Variants in KIAA1217 observed in about 807,000 individuals in gnomAD.
KIAA1217 encodes KIAA1217.
A neutral mutation model predicts 163.9 loss-of-function variants in KIAA1217; 88 were observed. The ratio of observed to expected loss-of-function variants is 0.54; its 90% confidence interval spans 0.45 to 0.64. The LOEUF is 0.64. Ranked by LOEUF, KIAA1217 falls within the 30% of genes least tolerant of loss-of-function variation. KIAA1217 has a pLI of 0.00. For synonymous variants in KIAA1217, 903 were observed against 923.1 expected, an observed-to-expected ratio of 0.98 and a Z score of 0.39; for missense variants, 2,372 against 2,475.0, an observed-to-expected ratio of 0.96 and a Z score of 0.88.
intron 2 of KIAA1217, among the ~76,000 whole-genome samples, chr10:24,195,857 A>C (rs897617566): frequency 1.3e-5 from 2 of 152,214 alleles, no homozygotes; most frequent in African/African-American, 4.8e-5. Flanking sequence ...GGCTGGGCGC[A>C]GTGGCTCACG....
intron 1 of KIAA1217, among the ~76,000 whole-genome samples, chr10:23,926,693 C>A (rs1843034852): frequency 6.6e-6 from 1 of 150,986 alleles, no homozygotes; most frequent in South Asian, 2.1e-4. Context: ...CCATTGCACT[C>A]CAGCCTGGGT....
At position 24,400,958 on chromosome 10, in the gene KIAA1217, A is replaced by AACACACACACAC. The variant is rs1409004077; in HGVS notation, c.553+19894_553+19895insCACACACACACA. Among the ~76,000 whole-genome samples, 7 of 89,842 alleles carry AACACACACACAC rather than the reference A, an allele frequency of 7.8e-5. No homozygotes were observed. In the African/African-American group the frequency reaches 7.9e-4, roughly 10 times the overall value. The allele number at this position is 89,842 out of a possible 152,430, so 58.9% of individuals were successfully genotyped here. A position where few individuals can be genotyped will look rare whatever the true frequency, so the allele number is the denominator to read the frequency against. On this transcript the variant is annotated intron_variant, in intron 3 of 20. Coordinates refer to ENST00000376454, the MANE Select transcript of KIAA1217 (RefSeq NM_019590.5). ...AAATAACACAAAATTCCAAGCAAGAAACATACACACACACACACACACACA... is the reference window on the plus strand; with the variant it reads ...AAATAACACAAAATTCCAAGCAAGAAACACACACACACACATACACACACACACACACACACA...
At chr10:23,713,064 A>G (rs1321946809) in intron 1 of KIAA1217, among the ~76,000 whole-genome samples, 2 of 152,118 alleles carry the variant, frequency 1.3e-5, no homozygotes, top group Admixed American at 1.3e-4. Flanking sequence ...CCATGAACTA[A>G]GAGTATGGAA....
At chr10:23,835,614 G>T (rs573587883) in intron 1 of KIAA1217, among the ~76,000 whole-genome samples, 1 of 152,150 alleles carries the variant, frequency 6.6e-6, no homozygotes, top group Non-Finnish European at 1.5e-5. Flanking sequence ...AGAGCAGTGA[G>T]AGTATGAAAA....
chr10:24,356,334 C>T (rs1334322297), intron 2 of KIAA1217, among the ~76,000 whole-genome samples: 1 of 152,216 alleles, frequency 6.6e-6, no homozygotes, highest in South Asian at 2.1e-4. Context: ...CAAAGTAAAA[C>T]AGCATCGAAT....
chr10:24,106,611 T>G lies in KIAA1217; in HGVS notation c.-171+99237T>G, dbSNP rs74479221. ...TGTGTTTATGCCTCAGTGATGGGAG[T>G]TGGAATCTCAGTTACCTACAGCTGA... is the stretch of plus-strand genomic sequence containing the variant. On this transcript the variant is annotated intron_variant, in intron 2 of 18. Coordinates refer to the KIAA1217 transcript ENST00000376462. Among the ~76,000 whole-genome samples the G allele has an allele frequency of 2.3e-3, 354 of 152,096 alleles. 2 individuals carry two copies. The highest frequency in any genetic ancestry group is 8.1e-3 in the African/African-American group (335 of 41,492).
chr10:24,545,740 T>A lies in KIAA1217; in HGVS notation c.5335-87T>A, dbSNP rs1055324142. On this transcript the variant is annotated intron_variant, in intron 20 of 20. Transcript: ENST00000376454. The stretch of plus-strand genomic sequence containing the variant: ...GGTTGGTTTTCTTTGATTGAATTAT[T>A]CTCAGAAGGGCTGTGTTGCCAGGCC... 2.0e-6 allele frequency: 3 copies of A among 1,521,412 alleles called. No individual in the cohort carries two copies. The African/African-American group carries it at 4.2e-5, about 21-fold the overall frequency. The allele number at this position is 1,521,412 out of a possible 1,614,324, so 94.2% of individuals were successfully genotyped here. A position where few individuals can be genotyped will look rare whatever the true frequency, so the allele number is the denominator to read the frequency against.
At chr10:23,950,363 T>C (rs1844276309) in intron 1 of KIAA1217, among the ~76,000 whole-genome samples, 1 of 152,174 alleles carries the variant, frequency 6.6e-6, no homozygotes, top group Non-Finnish European at 1.5e-5. Flanking sequence ...TCTTCTATGT[T>C]TTCATGGTGT....
Position 24,543,151 on chromosome 10 carries a change from C to G in KIAA1217, c.3881C>G (p.Pro1294Arg). 6.2e-7 allele frequency: 1 copy of G among 1,613,360 alleles called. No homozygotes were observed. The highest frequency in any genetic ancestry group is 1.6e-4 in the Middle Eastern group (1 of 6,062). Residue 1294 changes from proline to arginine, a missense_variant, in exon 19 of 21, where the codon CCT (proline) becomes CGT (arginine). Around this residue, in one of 3 missense-constraint regions of KIAA1217, gnomAD observed 251 missense variants for 327.3 expected, o/e 0.77. Coordinates refer to ENST00000376454, the MANE Select transcript of KIAA1217 (RefSeq NM_019590.5). ...SKISGLQYSI[P>R]DTENQTLNYG... ...ATCTCAGGCCTGCAATACTCTATAC[C>G]TGACACCGAGAACCAGACGCTGAAT...
chr10:24,420,249 A>T (rs2058625109), intron 3 of KIAA1217, among the ~76,000 whole-genome samples: 1 of 152,222 alleles, frequency 6.6e-6, no homozygotes, highest in Non-Finnish European at 1.5e-5. Context: ...ATGTGACGAG[A>T]ATAAAATAGG....
chr10:24,369,866 CCTGTTCAACATTTTACTTGTTGATAAGG>C (rs1240222354), intron 2 of KIAA1217, among the ~76,000 whole-genome samples: 11 of 152,318 alleles, frequency 7.2e-5, no homozygotes, highest in Non-Finnish European at 1.2e-4. Flanking sequence ...GCAGCCAAAG[CCTGTTCAACATTTTACTTGTTGATAAGG>C]CATTACTTTT....
chr10:23,832,973 G>A (rs990082251), intron 1 of KIAA1217, among the ~76,000 whole-genome samples: 9 of 152,054 alleles, frequency 5.9e-5, no homozygotes, highest in Non-Finnish European at 1.3e-4. Flanking sequence ...AGCAGGGAAA[G>A]AACTGCCCCC....
intron 2 of KIAA1217, among the ~76,000 whole-genome samples, chr10:24,191,919 A>G (rs1422015860): frequency 6.6e-6 from 1 of 152,098 alleles, no homozygotes; most frequent in East Asian, 1.9e-4. Context: ...ACACCTGGCT[A>G]ATTTTTGTAT....
At chr10:23,790,213 ACACATATGCATATG>A (rs1443712410) in intron 1 of KIAA1217, among the ~76,000 whole-genome samples, 1 of 34,778 alleles carries the variant, frequency 2.9e-5, no homozygotes, top group Non-Finnish European at 6.0e-5. Flanking sequence ...ATACACATAT[ACACATATGCATATG>A]CACATATGCA....
chr10:24,335,708 C>T (rs2046279850), intron 2 of KIAA1217, among the ~76,000 whole-genome samples: 1 of 151,876 alleles, frequency 6.6e-6, no homozygotes, highest in Non-Finnish European at 1.5e-5. Context: ...CTCCTGGGCT[C>T]AAGCAATCCT....
intron 3 of KIAA1217, among the ~76,000 whole-genome samples, chr10:24,394,690 C>T (rs2055470330): frequency 6.6e-6 from 1 of 152,176 alleles, no homozygotes; most frequent in Non-Finnish European, 1.5e-5. Flanking sequence ...GGACTCCTGG[C>T]TGTTCCAGCA....
chr10:24,436,111 T>G (rs893421316), intron 4 of KIAA1217, among the ~76,000 whole-genome samples: 2 of 152,120 alleles, frequency 1.3e-5, no homozygotes, highest in African/African-American at 4.8e-5. Context: ...TCTGCCCACC[T>G]CGGCCTCCCA....
intron 2 of KIAA1217, among the ~76,000 whole-genome samples, chr10:24,280,653 A>G (rs1377239989): frequency 6.6e-6 from 1 of 151,888 alleles, no homozygotes; most frequent in Non-Finnish European, 1.5e-5. Flanking sequence ...CTACTAAAAA[A>G]CAAAAAATTA....
intron 2 of KIAA1217, among the ~76,000 whole-genome samples, chr10:24,294,957 C>A (rs1473762438): frequency 6.6e-6 from 1 of 152,208 alleles, no homozygotes. Flanking sequence ...ACTCTGTAAA[C>A]TACTATTCTG....
Sources: allele counts gnomAD v4.1 joint callset (sites outside exome capture counted in the v4.1 genomes callset), GRCh38; gene constraint gnomAD v4.1.1; regional missense constraint gnomAD v4.1.1; transcripts MANE v1.5; gene names NCBI Gene and HGNC (gene_info 2026-07-23, HGNC 2026-07-21).